Variants in CXXC4 observed in about 807,000 individuals in gnomAD.
CXXC4 encodes CXXC-type zinc finger protein 4.
Under a neutral mutation model 20.5 loss-of-function variants are expected in CXXC4, and 5 were observed. That is an observed-to-expected ratio of 0.24 (90% CI 0.13 to 0.51). The LOEUF is 0.51. CXXC4 is among the 20% of genes least tolerant of loss of function. CXXC4 has a pLI of 0.97. For missense variants in CXXC4, 419 were observed against 496.4 expected (o/e 0.84, Z 1.48); for synonymous variants, 250 against 216.4 (o/e 1.16, Z -1.36).
At chr4:104,475,054 C>A (rs912251183) in intron 2 of CXXC4, 3 of 151,996 alleles carry the variant, frequency 2.0e-5, no homozygotes, top group Non-Finnish European at 4.4e-5. Context: ...AATGCAAACA[C>A]GAGAAAAGCA....
Position 104,491,812 on chromosome 4 carries a change from G to T in CXXC4, c.-10C>A. The T allele has an allele frequency of 7.0e-7, 1 of 1,421,778 alleles. No individual in the cohort carries two copies. The highest frequency in any genetic ancestry group is 9.3e-7 in the Non-Finnish European group (1 of 1,078,812). The allele number at this position is 1,421,778 out of a possible 1,614,324, so 88.1% of individuals were successfully genotyped here. A position where few individuals can be genotyped will look rare whatever the true frequency, so the allele number is the denominator to read the frequency against. On this transcript the variant is annotated 5_prime_UTR_variant, in exon 2 of 3. Coordinates refer to ENST00000394767, the MANE Select transcript of CXXC4 (RefSeq NM_025212.4). ...AGACATTGGTGTTCATGGTGCAGGG[G>T]GGGAAGAAGGGGTGCAGGGTGGAAG...
chr4:104,470,815 A>G lies in CXXC4; in HGVS notation c.*1507T>C, dbSNP rs1460620162. 1 of 152,050 alleles carries G rather than the reference A, an allele frequency of 6.6e-6. No homozygotes were observed. The highest frequency in any genetic ancestry group is 6.6e-5 in the Admixed American group (1 of 15,214). The allele number at this position is 152,050 out of a possible 1,614,324, so 9.4% of individuals were successfully genotyped here. A position where few individuals can be genotyped will look rare whatever the true frequency, so the allele number is the denominator to read the frequency against. Reference sequence around the variant, plus strand: ...CCTGAAACTGAAAATAGTCTTTATAATTGGGACAAACAGAAATAAAATGGA... The same window carrying G: ...CCTGAAACTGAAAATAGTCTTTATAGTTGGGACAAACAGAAATAAAATGGA... On this transcript the variant is annotated 3_prime_UTR_variant, in exon 3 of 3. Transcript: ENST00000394767.
Position 104,490,768 on chromosome 4 carries a change from C to T in CXXC4, c.1035G>A (p.Lys345=), listed in dbSNP as rs758211749. ...ICKFRKCEEL[K]KKPGTSLERT... is the part of the protein sequence containing the mutation. The stretch of plus-strand genomic sequence containing the variant: ...CCTCTAGTGAAGTGCCAGGTTTTTT[C>T]TTTAGCTCTTCACATTTTCTAAATT... The change falls in exon 2 of 3, where the codon AAG becomes AAA. Residue 345 remains lysine (K), a synonymous_variant. Coordinates refer to ENST00000394767, the MANE Select transcript of CXXC4 (RefSeq NM_025212.4). 1 of 1,613,376 alleles carries T rather than the reference C, an allele frequency of 6.2e-7. No homozygotes were observed. The highest frequency in any genetic ancestry group is 8.5e-7 in the Non-Finnish European group (1 of 1,179,758).
In CXXC4 at chr4:104,472,170, C is replaced by CTA; in HGVS notation, c.*151_*152insTA. The CTA allele has an allele frequency of 2.7e-6, 1 of 366,754 alleles. No homozygotes were observed. Among genetic ancestry groups the CTA allele is most frequent in the African/African-American group, 4.8e-5 (1 of 20,750 alleles). The allele number at this position is 366,754 out of a possible 1,614,324, so 22.7% of individuals were successfully genotyped here. ...TTTTATGTCTTTTTCTTTTCTTTTC[C>CTA]TCTTTTTTTTTTTTTTTGAAGAAAG... On this transcript the variant is annotated 3_prime_UTR_variant, in exon 3 of 3. Coordinates refer to ENST00000394767, the MANE Select transcript of CXXC4 (RefSeq NM_025212.4).
intron 2 of CXXC4, among the ~76,000 whole-genome samples, chr4:104,478,002 A>C (rs934355271): frequency 1.3e-5 from 2 of 152,198 alleles, no homozygotes; most frequent in African/African-American, 4.8e-5. Flanking sequence ...AAAAGGGGAA[A>C]GCACCAAATA....
intron 2 of CXXC4, among the ~76,000 whole-genome samples, chr4:104,481,317 G>A (rs1489974238): frequency 6.6e-6 from 1 of 152,142 alleles, no homozygotes; most frequent in Non-Finnish European, 1.5e-5. Context: ...ATTACATGAG[G>A]TCAGGAGTTC....
At position 104,490,753 on chromosome 4, in the gene CXXC4, A is replaced by G; in HGVS notation, c.1050T>C (p.Thr350=). 6.2e-7 allele frequency: 1 copy of G among 1,612,642 alleles called. No individual in the cohort carries two copies. Among genetic ancestry groups the G allele is most frequent in the East Asian group, 2.2e-5 (1 of 44,880 alleles). Residue 350 remains threonine, a synonymous_variant, in exon 2 of 3, where the codon ACT becomes ACC. Coordinates refer to ENST00000394767, the MANE Select transcript of CXXC4 (RefSeq NM_025212.4). ...KCEELKKKPG[T]SLERTPVPSA... ...AATCATCTCCTCTGACCTCTAGTGA[A>G]GTGCCAGGTTTTTTCTTTAGCTCTT...
Position 104,468,435 on chromosome 4 carries a change from A to G in CXXC4, c.*3887T>C, listed in dbSNP as rs780794205. The G allele has an allele frequency of 1.3e-5, 2 of 148,542 alleles. No homozygotes were observed. The highest frequency in any genetic ancestry group is 3.0e-5 in the Non-Finnish European group (2 of 67,060). 9.2% of individuals were successfully genotyped at this position (148,542 alleles called of 1,614,324 possible). On this transcript the variant is annotated 3_prime_UTR_variant, in exon 3 of 3. Transcript: ENST00000394767. ...CAGTTTTGTACATGCCCCATAAGTA[A>G]TTTTCTTTAATAAATACACTGTTTT...
chr4:104,485,519 C>A (rs751219626), intron 2 of CXXC4, among the ~76,000 whole-genome samples: 1 of 152,112 alleles, frequency 6.6e-6, no homozygotes, highest in Non-Finnish European at 1.5e-5. Context: ...CATATTCAGA[C>A]AATCTGACCA....
At chr4:104,481,732 T>C (rs1736563454) in intron 2 of CXXC4, among the ~76,000 whole-genome samples, 1 of 152,070 alleles carries the variant, frequency 6.6e-6, no homozygotes, top group Non-Finnish European at 1.5e-5. Flanking sequence ...ACATGGAACT[T>C]AAGTCTTGGA....
chr4:104,487,744 C>T (rs1736734813), intron 2 of CXXC4, among the ~76,000 whole-genome samples: 1 of 152,060 alleles, frequency 6.6e-6, no homozygotes, highest in Non-Finnish European at 1.5e-5. Context: ...TATGCAAATA[C>T]ACAGTGCACA....
At chr4:104,475,499 C>A (rs80083533) in intron 2 of CXXC4, among the ~76,000 whole-genome samples, 2 of 152,054 alleles carry the variant, frequency 1.3e-5, no homozygotes, top group African/African-American at 4.8e-5. Flanking sequence ...TTGTTTCAGC[C>A]AAGCTGGGTG....
rs547066610 is a variant in CXXC4 at position 104,468,779 on chromosome 4, A to T, written c.*3543T>A. The T allele has an allele frequency of 1.3e-5, 2 of 152,054 alleles. No homozygotes were observed. Among genetic ancestry groups the T allele is most frequent in the African/African-American group, 2.4e-5 (1 of 41,536 alleles). The allele number at this position is 152,054 out of a possible 1,614,324, so 9.4% of individuals were successfully genotyped here. On this transcript the variant is annotated 3_prime_UTR_variant, in exon 3 of 3. Transcript: ENST00000394767. The stretch of plus-strand genomic sequence containing the variant: ...ATCACTGTGAATCTAACCATGATCA[A>T]AGACCCGCTACGGCTTTTTGCTGAA...
At chr4:104,477,649 TAAGAG>T (rs1736447526) in intron 2 of CXXC4, among the ~76,000 whole-genome samples, 1 of 151,972 alleles carries the variant, frequency 6.6e-6, no homozygotes, top group African/African-American at 2.4e-5. Flanking sequence ...GCTAATAATA[TAAGAG>T]AACTATTAAT....
chr4:104,489,112 G>A (rs1736769569), intron 2 of CXXC4, among the ~76,000 whole-genome samples: 1 of 152,054 alleles, frequency 6.6e-6, no homozygotes, highest in African/African-American at 2.4e-5. Context: ...GAAAATACAT[G>A]GACCTGCATT....
chr4:104,488,985 T>C (rs1321308785), intron 2 of CXXC4, among the ~76,000 whole-genome samples: 1 of 152,194 alleles, frequency 6.6e-6, no homozygotes, highest in African/African-American at 2.4e-5. Context: ...ATGTTGTCCT[T>C]ATCAGCTGGG....
chr4:104,481,895 A>C (rs1578318661), intron 2 of CXXC4, among the ~76,000 whole-genome samples: 1 of 152,144 alleles, frequency 6.6e-6, no homozygotes, highest in African/African-American at 2.4e-5. Flanking sequence ...AAACATTTCA[A>C]TTTTACTCTT....
rs1418061750 is a variant in CXXC4, at chr4:104,491,880, G to A, written c.-78C>T. 9.6e-6 allele frequency: 4 copies of A among 416,744 alleles called. No homozygotes were observed. Among genetic ancestry groups the A allele is most frequent in the Non-Finnish European group, 1.3e-5 (4 of 309,270 alleles). The allele number at this position is 416,744 out of a possible 1,614,324, so 25.8% of individuals were successfully genotyped here. A position where few individuals can be genotyped will look rare whatever the true frequency, so the allele number is the denominator to read the frequency against. On this transcript the variant is annotated 5_prime_UTR_variant, in exon 2 of 3. Transcript: ENST00000394767. ...GACACCTGGGTGGAAAAGGGGGAAA[G>A]GTGGGGGGGAGGGAAGGGAGTGATG...
chr4:104,490,683 G>A (rs1560543961), intron 2 of CXXC4, 61 bp downstream of exon 2: 3 of 1,396,982 alleles, frequency 2.1e-6, no homozygotes, highest in Non-Finnish European at 3.0e-6. Context: ...AATCCCTGAA[G>A]GGGAGAGGGA....
Sources: gnomAD v4.1 joint callset for allele counts (sites outside exome capture counted in the v4.1 genomes callset) on GRCh38, gnomAD v4.1.1 for gene constraint, MANE v1.5 for transcripts, NCBI Gene and HGNC (gene_info 2026-07-23, HGNC 2026-07-21) for gene names.